The following TRA2A variants were observed in gnomAD, a reference collection of about 807,000 sequenced individuals.
TRA2A encodes transformer-2 protein homolog alpha.
A neutral mutation model predicts 45.7 loss-of-function variants in TRA2A; 31 were observed. The ratio of observed to expected loss-of-function variants is 0.68; its 90% confidence interval spans 0.51 to 0.92. TRA2A has a LOEUF of 0.92. TRA2A is among the 40% of genes least tolerant of loss of function. The pLI is 0.00. For synonymous variants in TRA2A, 132 were observed against 126.2 expected (o/e 1.05, Z -0.31); for missense variants, 304 against 367.5 (o/e 0.83, Z 1.41).
At chr7:23,531,290 A>G in intron 1 of TRA2A, 23 of 987,176 alleles carry the variant, frequency 2.3e-5, no homozygotes, top group Non-Finnish European at 2.8e-5. Context: ...AGAGCCAAGG[A>G]GACACAGGCC....
intron 1 of TRA2A, among the ~76,000 whole-genome samples, chr7:23,524,486 C>T (rs1279197841): frequency 6.6e-6 from 1 of 151,528 alleles, no homozygotes; most frequent in Admixed American, 6.6e-5. Context: ...GCCCGGCCAA[C>T]ATCAGATTTA....
At chr7:23,509,495 G>A (rs1325111990) in intron 4 of TRA2A, among the ~76,000 whole-genome samples, 1 of 152,106 alleles carries the variant, frequency 6.6e-6, no homozygotes, top group African/African-American at 2.4e-5. Flanking sequence ...CAGCACTTTG[G>A]GAGGCCAAGA....
In TRA2A at chr7:23,506,263, A is replaced by G. The variant is rs1440926779; in HGVS notation, c.645T>C (p.Ser215=). 6.3e-7 allele frequency: 1 copy of G among 1,593,732 alleles called. No individual in the cohort carries two copies. Among genetic ancestry groups the G allele is most frequent in the Non-Finnish European group, 8.6e-7 (1 of 1,168,676 alleles). Residue 215 remains serine, a synonymous_variant, in exon 6 of 8, where the codon AGT becomes AGC. Transcript: ENST00000297071. ...CGCCGCCTCCTCCACCACCCCCACC[A>G]CTACTGCAGAAAAATGTAAAAATTC... The part of the protein sequence containing the change: ...PGIYMGRPTH[S]GGGGGGGGGG...
chr7:23,514,066 G>A (rs1282792337), intron 3 of TRA2A, among the ~76,000 whole-genome samples: 2 of 149,998 alleles, frequency 1.3e-5, no homozygotes, highest in East Asian at 3.9e-4. Context: ...ACGGCTAGTA[G>A]ATTTTTTTTT....
chr7:23,512,856 T>A (rs1789690151), intron 4 of TRA2A, 38 bp downstream of exon 4: 1 of 1,441,532 alleles, frequency 6.9e-7, no homozygotes, highest in African/African-American at 1.4e-5. Flanking sequence ...TTCACACTAA[T>A]TCAGTACTAT....
At chr7:23,506,478 A>G (rs1789344818) in intron 5 of TRA2A, 1 of 484,586 alleles carries the variant, frequency 2.1e-6, no homozygotes, top group Non-Finnish European at 3.5e-6. Flanking sequence ...CAAAACTCTC[A>G]AAACTATTAA....
chr7:23,506,128 A>T lies in TRA2A; in HGVS notation c.770+10T>A, dbSNP rs773449640. 1 of 1,596,232 alleles carries T rather than the reference A, an allele frequency of 6.3e-7. No homozygotes were observed. Among genetic ancestry groups the T allele is most frequent in the East Asian group, 2.2e-5 (1 of 44,676 alleles). ...TAATTTAGAACAGAAAGCTCAAGTT[A>T]AAACATTACCTGTATCGGTAATCAT... is the stretch of plus-strand genomic sequence containing the variant. On this transcript the variant is annotated intron_variant, in intron 6 of 7. Transcript: ENST00000297071.
At position 23,507,325 on chromosome 7, in the gene TRA2A, AT is replaced by A; in HGVS notation, c.641+94del. The A allele has an allele frequency of 5.1e-6, 5 of 981,554 alleles. No individual in the cohort carries two copies. In the South Asian group the frequency reaches 7.3e-5, roughly 14 times the overall value. 60.8% of individuals were successfully genotyped at this position (981,554 alleles called of 1,614,324 possible). ...GCCATGTTGCCCCTTGCCAGAATCA[AT>A]TCTAATTATAGGAAAAAAGTTTCTG... On this transcript the variant is annotated intron_variant, in intron 5 of 7. Transcript: ENST00000297071.
In TRA2A at chr7:23,516,533, G is replaced by T; in HGVS notation, c.171-5C>A. 6.2e-7 allele frequency: 1 copy of T among 1,613,622 alleles called. No individual in the cohort carries two copies. The highest frequency in any genetic ancestry group is 8.5e-7 in the Non-Finnish European group (1 of 1,179,682). On this transcript the variant is annotated splice_region_variant and splice_polypyrimidine_tract_variant and intron_variant, in intron 2 of 7. Transcript: ENST00000297071. ...GAATGTCTCCTTGACCTCGACCTTTGAGAGAAATACATTTAGGTAAAAATA... is the reference window on the plus strand; with the variant it reads ...GAATGTCTCCTTGACCTCGACCTTTTAGAGAAATACATTTAGGTAAAAATA...
At chr7:23,515,430 C>T (rs1288511489) in intron 3 of TRA2A, among the ~76,000 whole-genome samples, 3 of 151,852 alleles carry the variant, frequency 2.0e-5, no homozygotes, top group East Asian at 1.9e-4. Flanking sequence ...AGGGTTTCAC[C>T]GTGGTCTCGA....
At chr7:23,518,383 C>T (rs1387403809) in intron 2 of TRA2A, among the ~76,000 whole-genome samples, 1 of 152,148 alleles carries the variant, frequency 6.6e-6, no homozygotes, top group Non-Finnish European at 1.5e-5. Flanking sequence ...ACTTCTTCAC[C>T]CAGGCTGGAG....
chr7:23,519,390 A>T (rs1256057660), intron 2 of TRA2A, among the ~76,000 whole-genome samples: 2 of 151,958 alleles, frequency 1.3e-5, no homozygotes, highest in Non-Finnish European at 2.9e-5. Flanking sequence ...CTTCAAAAAA[A>T]AGACTAATGA....
chr7:23,505,788 TATA>T lies in TRA2A; in HGVS notation c.793_795del (p.Tyr265del). ...GATCTTGATCGTGATCTATATCGAC[TATA>T]ATAAGGAGAAGGTGATCGTCTTCTG... On this transcript the variant is annotated inframe_deletion, in exon 7 of 8. Coordinates refer to ENST00000297071, the MANE Select transcript of TRA2A (RefSeq NM_013293.5). The T allele has an allele frequency of 6.4e-7, 1 of 1,561,324 alleles. No individual in the cohort carries two copies. The highest frequency in any genetic ancestry group is 1.2e-5 in the South Asian group (1 of 81,416).
Position 23,505,308 on chromosome 7 carries a change from T to A in TRA2A, c.*251A>T. On this transcript the variant is annotated 3_prime_UTR_variant, in exon 8 of 8. Transcript: ENST00000297071. ...AGCAAAAAAAAAAATTTACAAAGCA[T>A]AACATAACATTGGGGTTCTTTTTAT... The A allele has an allele frequency of 2.6e-6, 1 of 384,768 alleles. No homozygotes were observed. The highest frequency in any genetic ancestry group is 4.6e-6 in the Non-Finnish European group (1 of 216,370). The allele number at this position is 384,768 out of a possible 1,614,324, so 23.8% of individuals were successfully genotyped here.
chr7:23,515,207 T>C (rs1017703139), intron 3 of TRA2A, among the ~76,000 whole-genome samples: 1 of 151,826 alleles, frequency 6.6e-6, no homozygotes, highest in Non-Finnish European at 1.5e-5. Context: ...TTCACTTGAA[T>C]TCGTGGAACA....
intron 2 of TRA2A, among the ~76,000 whole-genome samples, chr7:23,517,477 C>CA (rs70954385): frequency 0.047 from 655 of 13,906 alleles, 129 homozygotes; most frequent in East Asian, 0.059. Flanking sequence ...GACTACGTCT[C>CA]AAAAAAAAAA....
intron 1 of TRA2A, among the ~76,000 whole-genome samples, chr7:23,529,558 G>A (rs1458541023): frequency 6.6e-6 from 1 of 152,158 alleles, no homozygotes; most frequent in Non-Finnish European, 1.5e-5. Context: ...ACTGCGCCCG[G>A]CCAGAAACGA....
intron 5 of TRA2A, chr7:23,507,058 C>T (rs927838429): frequency 7.5e-5 from 14 of 186,702 alleles, no homozygotes; most frequent in South Asian, 1.2e-4. Context: ...CCACTGCGCC[C>T]GGCAAATGAA....
chr7:23,506,213 C>T lies in TRA2A; in HGVS notation c.695G>A (p.Arg232Lys), dbSNP rs1265687522. Residue 232 changes from arginine (R) to lysine (K), a missense_variant, in exon 6 of 8, where the codon AGA (arginine) becomes AAA (lysine). Coordinates refer to ENST00000297071, the MANE Select transcript of TRA2A (RefSeq NM_013293.5). ...TCTATCATAGTAAGAATCTCGACGT[C>T]TGCCACCACCTCCACCTCCACCGCC... The part of the protein sequence containing the change: ...GGGGGGGGGG[R>K]RRDSYYDRGY... The T allele has an allele frequency of 6.2e-7, 1 of 1,613,672 alleles. No homozygotes were observed. The highest frequency in any genetic ancestry group is 2.2e-5 in the East Asian group (1 of 44,880).
Sources: allele counts gnomAD v4.1 joint callset (sites outside exome capture counted in the v4.1 genomes callset), GRCh38; gene constraint gnomAD v4.1.1; transcripts MANE v1.5; gene names NCBI Gene and HGNC (gene_info 2026-07-23, HGNC 2026-07-21).